PTPRN2: variants seen among roughly 807,000 people sequenced by gnomAD.
PTPRN2 encodes the protein protein tyrosine phosphatase receptor type N2, also known as receptor-type tyrosine-protein phosphatase N2.
A neutral mutation model predicts 118.8 loss-of-function variants in PTPRN2; 74 were observed. The ratio of observed to expected loss-of-function variants is 0.62; its 90% confidence interval spans 0.52 to 0.76. The LOEUF (loss-of-function observed/expected upper bound fraction) is 0.76, where lower values mean the gene tolerates loss of function less well. Ranked by LOEUF, PTPRN2 falls within the 30% of genes least tolerant of loss-of-function variation. PTPRN2 has a pLI of 0.00. For missense variants in PTPRN2, 1,481 were observed against 1,394.4 expected, an observed-to-expected ratio of 1.06 and a Z score of -0.99; for synonymous variants, 641 against 608.0, an observed-to-expected ratio of 1.05 and a Z score of -0.80.
intron 12 of PTPRN2, among the ~76,000 whole-genome samples, chr7:157,798,475 G>A (rs547299266): frequency 4.6e-5 from 7 of 151,918 alleles, no homozygotes; most frequent in Non-Finnish European, 7.4e-5. Context: ...CTGTACAGTC[G>A]TTAGCAGTGG....
At chr7:158,337,986 C>A (rs1388183448) in intron 2 of PTPRN2, among the ~76,000 whole-genome samples, 30 of 55,688 alleles carry the variant, frequency 5.4e-4, no homozygotes, top group Non-Finnish European at 7.9e-4. Context: ...GTCACTCACA[C>A]CCACACTCTC....
At chr7:158,001,182 C>T (rs562098283) in intron 11 of PTPRN2, among the ~76,000 whole-genome samples, 2 of 28,252 alleles carry the variant, frequency 7.1e-5, no homozygotes, top group South Asian at 1.3e-3. Flanking sequence ...TCTGGTGCAA[C>T]GTGGGGCTGG....
chr7:158,250,744 C>T lies in PTPRN2; in HGVS notation c.278-45471G>A, dbSNP rs190997589. ...GAATGTTGCGCCGTAGTCCTGATTCCTTCAAATCAACATCAGCTGACTCTT... is the reference window on the plus strand; with the variant it reads ...GAATGTTGCGCCGTAGTCCTGATTCTTTCAAATCAACATCAGCTGACTCTT... On this transcript the variant is annotated intron_variant, in intron 3 of 22. Coordinates refer to ENST00000389418, the MANE Select transcript of PTPRN2 (RefSeq NM_002847.5). Among the ~76,000 whole-genome samples the T allele has an allele frequency of 5.9e-5, 9 of 152,282 alleles. No individual in the cohort carries two copies. The East Asian group carries it at 1.7e-3, about 29-fold the overall frequency.
At chr7:157,724,528 T>C (rs1799419354) in intron 12 of PTPRN2, among the ~76,000 whole-genome samples, 1 of 152,236 alleles carries the variant, frequency 6.6e-6, no homozygotes, top group South Asian at 2.1e-4. Context: ...TACATCCCAA[T>C]GAACCCGGTG....
rs1030261468 is a variant in PTPRN2 at position 157,787,410 on chromosome 7, G to A, written c.1789-104473C>T. Among the ~76,000 whole-genome samples, 17 of 152,160 alleles carry A rather than the reference G, an allele frequency of 1.1e-4. No individual in the cohort carries two copies. Among genetic ancestry groups the A allele is most frequent in the Admixed American group, 6.5e-4 (10 of 15,288 alleles). On this transcript the variant is annotated intron_variant, in intron 12 of 22. Coordinates refer to ENST00000389418, the MANE Select transcript of PTPRN2 (RefSeq NM_002847.5). This position sits in a 1 kb window ranked among gnomAD's most constrained non-coding sequence, Gnocchi z 5.3. The stretch of plus-strand genomic sequence containing the variant: ...CTGAAGATGCCATAGAAAGTCTGGC[G>A]CAGCAGCCGGTGGGCCTGGGGGGCG...
chr7:157,905,573 C>T (rs1167398263), intron 11 of PTPRN2, among the ~76,000 whole-genome samples: 3 of 152,180 alleles, frequency 2.0e-5, no homozygotes, highest in African/African-American at 4.8e-5. Flanking sequence ...TCTGCAATAG[C>T]CTATTTAATT....
At chr7:157,922,776 T>C (rs1205351616) in intron 11 of PTPRN2, among the ~76,000 whole-genome samples, 1 of 151,772 alleles carries the variant, frequency 6.6e-6, no homozygotes, top group Non-Finnish European at 1.5e-5. Context: ...CCAGCCTGAG[T>C]TGGGAAAATA....
chr7:157,842,303 G>C (rs1235083015), intron 12 of PTPRN2, among the ~76,000 whole-genome samples: 1 of 151,614 alleles, frequency 6.6e-6, no homozygotes, highest in Admixed American at 6.6e-5. Flanking sequence ...ACCATCTCTT[G>C]ATTACTGATC....
intron 17 of PTPRN2, among the ~76,000 whole-genome samples, chr7:157,582,420 T>C (rs1182327450): frequency 6.6e-6 from 1 of 152,146 alleles, no homozygotes; most frequent in Non-Finnish European, 1.5e-5. Flanking sequence ...TCATCAGCCA[T>C]CAGGGAAATG....
intron 2 of PTPRN2, among the ~76,000 whole-genome samples, chr7:158,432,104 C>T (rs934404376): frequency 3.9e-5 from 6 of 152,226 alleles, no homozygotes; most frequent in African/African-American, 1.4e-4. Flanking sequence ...CTGGCTGACT[C>T]ACGGGATGCC....
chr7:157,889,943 C>A (rs1013780332), intron 12 of PTPRN2, among the ~76,000 whole-genome samples: 3 of 152,256 alleles, frequency 2.0e-5, no homozygotes, highest in Admixed American at 6.5e-5. Flanking sequence ...TCTAACATCT[C>A]TGTGCACACA....
chr7:158,213,939 G>A (rs1047273478), intron 3 of PTPRN2, among the ~76,000 whole-genome samples: 2 of 151,946 alleles, frequency 1.3e-5, no homozygotes, highest in African/African-American at 4.8e-5. Flanking sequence ...TGTCAACTTT[G>A]GGATCTATGA....
chr7:158,547,331 C>T (rs926188462), intron 1 of PTPRN2, among the ~76,000 whole-genome samples: 2 of 149,918 alleles, frequency 1.3e-5, no homozygotes, highest in Admixed American at 6.6e-5. Flanking sequence ...GACTCCCCAG[C>T]CCCTGGCACC....
intron 11 of PTPRN2, among the ~76,000 whole-genome samples, chr7:157,908,466 TA>T (rs577048801): frequency 6.6e-5 from 10 of 152,358 alleles, no homozygotes; most frequent in African/African-American, 2.4e-4. Context: ...GATTTCTGCA[TA>T]AAGAAGTATC....
intron 10 of PTPRN2, among the ~76,000 whole-genome samples, chr7:158,084,087 ACTTGCTTTGG>A (rs1242125969): frequency 1.3e-5 from 2 of 152,000 alleles, no homozygotes; most frequent in African/African-American, 4.8e-5. Context: ...GTCCTCTTGG[ACTTGCTTTGG>A]CCTAGGAGAC....
rs564185201 is a variant in PTPRN2 at position 158,283,071 on chromosome 7, G to A, written c.277+33748C>T. ...CACATGCAGGGGCCTCAGCTCTCAG[G>A]AGGAAAACACTCTTGAGAGAAGAGA... On this transcript the variant is annotated intron_variant, in intron 3 of 22. Transcript: ENST00000389418. Among the ~76,000 whole-genome samples the A allele has an allele frequency of 1.2e-4, 18 of 152,378 alleles. No individual in the cohort carries two copies. In the South Asian group the frequency reaches 3.7e-3, roughly 32 times the overall value.
chr7:157,645,066 C>T (rs377275024), intron 14 of PTPRN2, among the ~76,000 whole-genome samples: 14 of 152,214 alleles, frequency 9.2e-5, no homozygotes, highest in East Asian at 5.8e-4. Flanking sequence ...GCTGTGATGA[C>T]GGACACGGAG....
At position 158,467,858 on chromosome 7, in the gene PTPRN2, C is replaced by G. The variant is rs1733145; in HGVS notation, c.163+21877G>C. Among the ~76,000 whole-genome samples, 1,174 of 152,032 alleles carry G rather than the reference C, an allele frequency of 7.7e-3. 19 individuals are homozygous for G. Among genetic ancestry groups the G allele is most frequent in the South Asian group, 0.05 (242 of 4,810 alleles). ...CTGCTGCCAAAGACCTGGGAGCCCCCGGGGAAGGCCCTGTTGATGTTTCTG... is the reference window on the plus strand; with the variant it reads ...CTGCTGCCAAAGACCTGGGAGCCCCGGGGGAAGGCCCTGTTGATGTTTCTG... On this transcript the variant is annotated intron_variant, in intron 2 of 22. Coordinates refer to ENST00000389418, the MANE Select transcript of PTPRN2 (RefSeq NM_002847.5).
intron 3 of PTPRN2, among the ~76,000 whole-genome samples, chr7:158,309,829 G>A (rs767836019): frequency 6.6e-6 from 1 of 152,168 alleles, no homozygotes; most frequent in African/African-American, 2.4e-5. Flanking sequence ...CTCCCCAAAC[G>A]TACGTGCTGG....
Sources: allele counts gnomAD v4.1 joint callset (sites outside exome capture counted in the v4.1 genomes callset), GRCh38; gene constraint gnomAD v4.1.1; non-coding constraint Gnocchi (gnomAD v3.1); transcripts MANE v1.5; gene names NCBI Gene and HGNC (gene_info 2026-07-23, HGNC 2026-07-21).